The following WASF1 variants were observed in gnomAD, a reference collection of about 807,000 sequenced individuals.
WASF1 encodes the protein actin-binding protein WASF1.
Under a neutral mutation model 50.5 loss-of-function variants are expected in WASF1, and 7 were observed. That is an observed-to-expected ratio of 0.14 (90% CI 0.08 to 0.26). WASF1 has a LOEUF of 0.26. WASF1 is among the 10% of genes least tolerant of loss of function. WASF1 has a pLI of 1.00. For synonymous variants in WASF1, 205 were observed against 244.0 expected (o/e 0.84, Z 1.49); for missense variants, 470 against 694.7 (o/e 0.68, Z 3.64).
rs1021074768 is a variant in WASF1, at chr6:110,179,525, A to G, written c.-358T>C. The G allele has an allele frequency of 2.0e-5, 3 of 151,758 alleles. No homozygotes were observed. Among genetic ancestry groups the G allele is most frequent in the African/African-American group, 7.3e-5 (3 of 41,246 alleles). 9.4% of individuals were successfully genotyped at this position (151,758 alleles called of 1,614,324 possible). On this transcript the variant is annotated 5_prime_UTR_variant, in exon 1 of 11. Coordinates refer to ENST00000392589, the MANE Select transcript of WASF1 (RefSeq NM_003931.3). ...CCCCTCGGCTCGCGGGACTCCGCCT[A>G]GAGCCCCCAGGAGGGTCGGGCTCTG...
intron 3 of WASF1, among the ~76,000 whole-genome samples, chr6:110,132,637 C>A (rs1774734664): frequency 6.6e-6 from 1 of 151,878 alleles, no homozygotes; most frequent in East Asian, 2.0e-4. Flanking sequence ...TACCCATCAC[C>A]CAAGCAGGGA....
intron 3 of WASF1, among the ~76,000 whole-genome samples, chr6:110,153,647 C>A (rs995031915): frequency 2.6e-5 from 4 of 152,060 alleles, no homozygotes; most frequent in Non-Finnish European, 4.4e-5. Context: ...TGGCTCACAT[C>A]TGTAATCCCA....
At chr6:110,122,615 C>T (rs1480182327) in intron 4 of WASF1, among the ~76,000 whole-genome samples, 1 of 152,180 alleles carries the variant, frequency 6.6e-6, no homozygotes. Context: ...AGGATGAAGA[C>T]TTTTATGATG....
At chr6:110,134,377 A>G (rs116449866) in intron 3 of WASF1, among the ~76,000 whole-genome samples, 11,041 of 149,958 alleles carry the variant, frequency 0.074, 548 homozygotes, top group African/African-American at 0.14. Context: ...TAAGTATCTG[A>G]CTTTATTTCT....
At chr6:110,136,409 C>T (rs553384220) in intron 3 of WASF1, among the ~76,000 whole-genome samples, 25 of 152,210 alleles carry the variant, frequency 1.6e-4, no homozygotes, top group African/African-American at 6.0e-4. Flanking sequence ...CTACGTATGT[C>T]CATTAGTTAC....
intron 4 of WASF1, among the ~76,000 whole-genome samples, chr6:110,125,029 C>T (rs1316458625): frequency 6.6e-6 from 1 of 152,150 alleles, no homozygotes; most frequent in Non-Finnish European, 1.5e-5. Context: ...ACTTTCAGTA[C>T]TAATAATAGC....
At chr6:110,152,832 A>T (rs563974696) in intron 3 of WASF1, among the ~76,000 whole-genome samples, 1 of 152,338 alleles carries the variant, frequency 6.6e-6, no homozygotes, top group Non-Finnish European at 1.5e-5. Flanking sequence ...TTAGGTTTAT[A>T]ACAGTTTTAA....
chr6:110,164,438 T>C (rs1398806459), intron 2 of WASF1, among the ~76,000 whole-genome samples: 3 of 151,688 alleles, frequency 2.0e-5, no homozygotes, highest in Non-Finnish European at 4.4e-5. Context: ...ACTGCATGAT[T>C]GCAAATAAGC....
At chr6:110,115,101 TCTCA>T (rs1033630043) in intron 4 of WASF1, among the ~76,000 whole-genome samples, 1 of 144,838 alleles carries the variant, frequency 6.9e-6, no homozygotes, top group Non-Finnish European at 1.5e-5. Context: ...TCTCTCTCTC[TCTCA>T]AAGAAAAAAA....
chr6:110,128,996 A>C (rs1204771982), intron 3 of WASF1, among the ~76,000 whole-genome samples: 21 of 143,140 alleles, frequency 1.5e-4, no homozygotes, highest in African/African-American at 3.4e-4. Flanking sequence ...ACACACCCCC[A>C]CCCCCTGCCC....
At chr6:110,107,727 T>C (rs1194466577) in intron 6 of WASF1, among the ~76,000 whole-genome samples, 1 of 152,242 alleles carries the variant, frequency 6.6e-6, no homozygotes, top group Non-Finnish European at 1.5e-5. Flanking sequence ...GGTTGTGTTG[T>C]ACATTACCCA....
intron 3 of WASF1, among the ~76,000 whole-genome samples, chr6:110,136,167 A>G (rs1375773128): frequency 6.6e-6 from 1 of 152,106 alleles, no homozygotes; most frequent in Non-Finnish European, 1.5e-5. Context: ...TACAGGCATG[A>G]GCCACTGCGC....
chr6:110,142,952 TAAAAAAAAA>T (rs5879060), intron 3 of WASF1, among the ~76,000 whole-genome samples: 1 of 119,182 alleles, frequency 8.4e-6, no homozygotes, highest in African/African-American at 3.3e-5. Context: ...CCCAATGATG[TAAAAAAAAA>T]AAAAAAAAAA....
chr6:110,170,310 C>A (rs1219075311), intron 2 of WASF1, among the ~76,000 whole-genome samples: 1 of 152,060 alleles, frequency 6.6e-6, no homozygotes, highest in African/African-American at 2.4e-5. Flanking sequence ...GCAAACTCCG[C>A]CTCCCAGGCT....
intron 4 of WASF1, among the ~76,000 whole-genome samples, chr6:110,120,577 G>A (rs550142146): frequency 6.6e-6 from 1 of 151,714 alleles, no homozygotes; most frequent in Non-Finnish European, 1.5e-5. Flanking sequence ...TTCATGGATA[G>A]GAAGAATCAA....
Position 110,135,212 on chromosome 6 carries a change from A to G in WASF1, c.-28-7583T>C, listed in dbSNP as rs578117960. Among the ~76,000 whole-genome samples, 6 of 152,146 alleles carry G rather than the reference A, an allele frequency of 3.9e-5. No individual in the cohort carries two copies. The South Asian group carries it at 1.2e-3, about 32-fold the overall frequency. Reference sequence around the variant, plus strand: ...ATAGCAGTGCTACTTATTTGTGTATATTAATTTTGTATCCTGAAACTTTAC... The same window carrying G: ...ATAGCAGTGCTACTTATTTGTGTATGTTAATTTTGTATCCTGAAACTTTAC... On this transcript the variant is annotated intron_variant, in intron 3 of 10. Transcript: ENST00000392589.
At chr6:110,172,060 T>C (rs1776743975) in intron 2 of WASF1, among the ~76,000 whole-genome samples, 1 of 152,118 alleles carries the variant, frequency 6.6e-6, no homozygotes, top group Non-Finnish European at 1.5e-5. Flanking sequence ...TGTGGAGAAA[T>C]AGGAACGCTT....
At chr6:110,113,740 T>G (rs1247420951) in intron 4 of WASF1, among the ~76,000 whole-genome samples, 2 of 152,102 alleles carry the variant, frequency 1.3e-5, no homozygotes, top group Non-Finnish European at 2.9e-5. Context: ...TTGAGACAAT[T>G]TGAAAAAACT....
intron 3 of WASF1, among the ~76,000 whole-genome samples, chr6:110,148,205 T>A (rs1775664512): frequency 6.6e-6 from 1 of 152,174 alleles, no homozygotes; most frequent in Non-Finnish European, 1.5e-5. Context: ...GTACTTTATA[T>A]GAAAAACGGC....
Sources: gnomAD v4.1 joint callset for allele counts (sites outside exome capture counted in the v4.1 genomes callset) on GRCh38, gnomAD v4.1.1 for gene constraint, MANE v1.5 for transcripts, NCBI Gene and HGNC (gene_info 2026-07-23, HGNC 2026-07-21) for gene names.